CALN1: variants seen among roughly 807,000 people sequenced by gnomAD.
The protein encoded by CALN1 is calcium-binding protein 8.
A neutral mutation model predicts 30.6 loss-of-function variants in CALN1; 17 were observed. The observed-to-expected ratio is 0.56, with a 90% CI of 0.38 to 0.83. CALN1 has a LOEUF of 0.83. Ranked by LOEUF, CALN1 falls within the 40% of genes least tolerant of loss-of-function variation. The pLI is 0.00. For missense variants in CALN1, 291 were observed against 354.9 expected (o/e 0.82, Z 1.45); for synonymous variants, 156 against 131.4 (o/e 1.19, Z -1.28).
intron 2 of CALN1, among the ~76,000 whole-genome samples, chr7:72,298,631 T>C (rs1799031237): frequency 6.6e-6 from 1 of 152,016 alleles, no homozygotes; most frequent in Non-Finnish European, 1.5e-5. Flanking sequence ...TGAAGCAAAT[T>C]AATATAATCT....
chr7:72,122,038 G>A (rs566155663), intron 3 of CALN1, among the ~76,000 whole-genome samples: 18 of 151,720 alleles, frequency 1.2e-4, no homozygotes, highest in Admixed American at 2.6e-4. Context: ...ATAGTCATTC[G>A]TCACACAGCC....
intron 2 of CALN1, among the ~76,000 whole-genome samples, chr7:72,298,076 A>G (rs535851579): frequency 6.6e-5 from 10 of 152,192 alleles, no homozygotes; most frequent in African/African-American, 2.2e-4. Flanking sequence ...ATCTATTTTC[A>G]AAAATGTTCT....
Position 72,422,453 on chromosome 7 carries a change from G to A in CALN1, c.-225-10178C>T, listed in dbSNP as rs150413360. 2.2e-3 allele frequency among the ~76,000 whole-genome samples: 334 copies of A among 152,318 alleles called. 1 individual carries two copies. The highest frequency in any genetic ancestry group is 7.9e-3 in the African/African-American group (328 of 41,566). On this transcript the variant is annotated intron_variant, in intron 1 of 6. Coordinates refer to the CALN1 transcript ENST00000395276. The stretch of plus-strand genomic sequence containing the variant: ...TTGATGAAGTCTTTTCAAGGTAGCA[G>A]CAGCAGCTGATAAAGTTGCAGGGTC...
At chr7:72,029,319 G>C (rs973230674) in intron 4 of CALN1, among the ~76,000 whole-genome samples, 2 of 152,024 alleles carry the variant, frequency 1.3e-5, no homozygotes, top group Non-Finnish European at 2.9e-5. Flanking sequence ...CACTGTATTA[G>C]CCAGTGAAGA....
At chr7:71,867,433 A>G (rs1289437870) in intron 5 of CALN1, among the ~76,000 whole-genome samples, 1 of 144,174 alleles carries the variant, frequency 6.9e-6, no homozygotes, top group Non-Finnish European at 1.5e-5. Flanking sequence ...CTTTTTACTT[A>G]TTTATTTATT....
At chr7:72,397,568 G>C (rs1219664125) in intron 2 of CALN1, among the ~76,000 whole-genome samples, 1 of 152,140 alleles carries the variant, frequency 6.6e-6, no homozygotes, top group Non-Finnish European at 1.5e-5. Context: ...CAATGAGGAA[G>C]AGGGAGTCAG....
chr7:72,134,570 T>C (rs1809376790), intron 3 of CALN1, among the ~76,000 whole-genome samples: 1 of 152,240 alleles, frequency 6.6e-6, no homozygotes, highest in Non-Finnish European at 1.5e-5. Flanking sequence ...ATTATATCTT[T>C]AAAAATGTAC....
intron 1 of CALN1, among the ~76,000 whole-genome samples, chr7:72,405,821 G>T (rs1806658676): frequency 6.6e-6 from 1 of 152,154 alleles, no homozygotes; most frequent in Non-Finnish European, 1.5e-5. Context: ...ATTTCAAAAA[G>T]CAGTAATTAG....
chr7:72,410,851 G>A (rs149050051), intron 1 of CALN1, among the ~76,000 whole-genome samples: 241 of 152,180 alleles, frequency 1.6e-3, no homozygotes, highest in African/African-American at 5.5e-3. Context: ...GCTAAAATCA[G>A]AAAAAATACA....
At chr7:72,396,556 G>C (rs1394175107) in intron 2 of CALN1, among the ~76,000 whole-genome samples, 1 of 152,204 alleles carries the variant, frequency 6.6e-6, no homozygotes, top group African/African-American at 2.4e-5. Flanking sequence ...TAAAGACAGT[G>C]TGTCGGGGAA....
intron 2 of CALN1, among the ~76,000 whole-genome samples, chr7:72,377,948 T>C (rs1804665812): frequency 6.6e-6 from 1 of 151,484 alleles, no homozygotes; most frequent in Admixed American, 6.6e-5. Flanking sequence ...TATATTGGAG[T>C]TTTTCAAAGC....
In CALN1 at chr7:71,786,185, A is replaced by T. The variant is rs1186513470; in HGVS notation, c.*1590T>A. 6.6e-6 allele frequency: 1 copy of T among 152,270 alleles called. No homozygotes were observed. The highest frequency in any genetic ancestry group is 1.5e-5 in the Non-Finnish European group (1 of 68,074). The allele number at this position is 152,270 out of a possible 1,614,324, so 9.4% of individuals were successfully genotyped here. A position where few individuals can be genotyped will look rare whatever the true frequency, so the allele number is the denominator to read the frequency against. On this transcript the variant is annotated 3_prime_UTR_variant, in exon 7 of 7. Transcript: ENST00000395275. The stretch of plus-strand genomic sequence containing the variant: ...CAGGAAGACAGGGAGGGAGATCAGG[A>T]ACACACAACGCACCAAAAAATCCTA...
intron 5 of CALN1, among the ~76,000 whole-genome samples, chr7:71,983,429 C>G (rs1798502441): frequency 6.6e-6 from 1 of 152,206 alleles, no homozygotes; most frequent in Admixed American, 6.5e-5. Flanking sequence ...CCAACAGTGT[C>G]TCTATTCACA....
chr7:71,851,360 A>T (rs1379423773), intron 5 of CALN1, among the ~76,000 whole-genome samples: 1 of 151,484 alleles, frequency 6.6e-6, no homozygotes, highest in Non-Finnish European at 1.5e-5. Context: ...TACTAAAAAA[A>T]ATACAAAAAT....
intron 5 of CALN1, among the ~76,000 whole-genome samples, chr7:71,959,211 G>C (rs182777098): frequency 6.6e-6 from 1 of 152,296 alleles, no homozygotes; most frequent in South Asian, 2.1e-4. Flanking sequence ...TTCAGGAGGA[G>C]CTTCCCTTCT....
chr7:72,319,760 C>A (rs139831847), intron 2 of CALN1, among the ~76,000 whole-genome samples: 2 of 151,964 alleles, frequency 1.3e-5, no homozygotes, highest in African/African-American at 2.4e-5. Context: ...GGTGAGATGT[C>A]CACTGAAGGC....
chr7:72,020,484 GCA>G (rs1244650656), intron 5 of CALN1, among the ~76,000 whole-genome samples: 1 of 152,122 alleles, frequency 6.6e-6, no homozygotes, highest in Non-Finnish European at 1.5e-5. Context: ...CTCTGAAGGG[GCA>G]GGCAGTCGCA....
At chr7:72,071,778 C>G (rs890220034) in intron 4 of CALN1, among the ~76,000 whole-genome samples, 1 of 152,078 alleles carries the variant, frequency 6.6e-6, no homozygotes, top group African/African-American at 2.4e-5. Context: ...AATAAATCAA[C>G]AAAAACTGTC....
intron 3 of CALN1, among the ~76,000 whole-genome samples, chr7:72,180,916 A>G (rs1056417873): frequency 6.6e-6 from 1 of 151,966 alleles, no homozygotes; most frequent in Non-Finnish European, 1.5e-5. Context: ...TGGCCAACAC[A>G]GTGAAACCCC....
Sources: gnomAD v4.1 joint callset for allele counts (sites outside exome capture counted in the v4.1 genomes callset) on GRCh38, gnomAD v4.1.1 for gene constraint, MANE v1.5 for transcripts, NCBI Gene and HGNC (gene_info 2026-07-23, HGNC 2026-07-21) for gene names.